The following ZFR variants were observed in gnomAD, a reference collection of about 807,000 sequenced individuals.
The protein encoded by ZFR is zinc finger RNA-binding protein.
Under a neutral mutation model 130.7 loss-of-function variants are expected in ZFR, and 19 were observed. That is an observed-to-expected ratio of 0.15 (90% CI 0.10 to 0.21). The LOEUF (loss-of-function observed/expected upper bound fraction) is 0.21. Ranked by LOEUF, ZFR falls within the 10% of genes least tolerant of loss-of-function variation. ZFR has a pLI of 1.00. For missense variants in ZFR, 872 were observed against 1,321.5 expected (o/e 0.66, Z 5.27); for synonymous variants, 466 against 456.9 (o/e 1.02, Z -0.25).
intron 2 of ZFR, among the ~76,000 whole-genome samples, chr5:32,432,577 C>T (rs182917393): frequency 2.1e-4 from 32 of 152,022 alleles, no homozygotes; most frequent in Admixed American, 2.1e-3. Context: ...TAATCCTCTC[C>T]CCTCAGCCTC....
At chr5:32,424,773 A>G (rs1163737046) in intron 2 of ZFR, among the ~76,000 whole-genome samples, 2 of 152,218 alleles carry the variant, frequency 1.3e-5, no homozygotes, top group Non-Finnish European at 2.9e-5. Flanking sequence ...CACAATAAAT[A>G]CTATTGATAA....
chr5:32,389,349 T>TA (rs951452003), intron 12 of ZFR, among the ~76,000 whole-genome samples: 11 of 152,084 alleles, frequency 7.2e-5, no homozygotes, highest in Admixed American at 6.6e-4. Context: ...TTCTTTCTAT[T>TA]AAAAAAAAAT....
intron 2 of ZFR, among the ~76,000 whole-genome samples, chr5:32,439,788 A>G (rs1287990360): frequency 7.9e-6 from 1 of 127,360 alleles, no homozygotes; most frequent in African/African-American, 3.0e-5. Flanking sequence ...TGGGTGAGAG[A>G]GCGAGACCAT....
At chr5:32,397,496 C>T (rs1431752983) in intron 9 of ZFR, among the ~76,000 whole-genome samples, 158 bp from the exon 10 acceptor site, 1 of 152,096 alleles carries the variant, frequency 6.6e-6, no homozygotes, top group African/African-American at 2.4e-5. Context: ...CTCTGTCGCC[C>T]ATGCTGGAGT....
intron 18 of ZFR, 23 bp from the exon 19 acceptor site, chr5:32,364,068 A>G (rs777997030): frequency 1.2e-6 from 2 of 1,609,320 alleles, no homozygotes; most frequent in Non-Finnish European, 1.7e-6. Flanking sequence ...CCACAGGGAG[A>G]GGAAATTATT....
chr5:32,378,196 A>G (rs1561871145), intron 17 of ZFR, among the ~76,000 whole-genome samples: 1 of 152,100 alleles, frequency 6.6e-6, no homozygotes, highest in Non-Finnish European at 1.5e-5. Context: ...CTTGACAACA[A>G]TATATACAAT....
intron 19 of ZFR, among the ~76,000 whole-genome samples, chr5:32,362,956 A>G (rs552816605): frequency 6.6e-6 from 1 of 152,354 alleles, no homozygotes; most frequent in East Asian, 1.9e-4. Context: ...ACAGACACTT[A>G]AGGCAACTAT....
chr5:32,426,425 T>G (rs1754074603), intron 2 of ZFR, among the ~76,000 whole-genome samples: 1 of 151,286 alleles, frequency 6.6e-6, no homozygotes, highest in African/African-American at 2.4e-5. Context: ...AACTAGGAAT[T>G]GAAGGAAATA....
chr5:32,398,657 G>T (rs1245582614), intron 9 of ZFR, among the ~76,000 whole-genome samples: 4 of 152,100 alleles, frequency 2.6e-5, no homozygotes, highest in Non-Finnish European at 5.9e-5. Context: ...TGTAAACAAA[G>T]AATTCAATAC....
intron 8 of ZFR, among the ~76,000 whole-genome samples, chr5:32,402,076 T>C (rs905805888): frequency 2.6e-5 from 4 of 152,206 alleles, no homozygotes; most frequent in Non-Finnish European, 4.4e-5. Flanking sequence ...GCTGTCCAAC[T>C]CAGGTGGGGG....
chr5:32,400,046 C>T lies in ZFR; in HGVS notation c.1674G>A (p.Gln558=). Residue 558 remains glutamine, a synonymous_variant, in exon 9 of 20, where the codon CAG becomes CAA. Coordinates refer to ENST00000265069, the MANE Select transcript of ZFR (RefSeq NM_016107.5). ...CATGGCCCACTGGCTGCACATCACT[C>T]TGTAAAGCAGCAAGAGATGCAGGTG... ...PVTPASLAAL[Q]SDVQPVGHDY... 6.2e-7 allele frequency: 1 copy of T among 1,612,706 alleles called. No individual in the cohort carries two copies. The highest frequency in any genetic ancestry group is 8.5e-7 in the Non-Finnish European group (1 of 1,179,302).
chr5:32,379,844 A>AT, intron 16 of ZFR: 1 of 379,808 alleles, frequency 2.6e-6, no homozygotes, highest in South Asian at 6.8e-5. Context: ...AAAAAATAAA[A>AT]AAACCCCAAC....
At chr5:32,356,400 G>A (rs1219415580) in intron 19 of ZFR, among the ~76,000 whole-genome samples, 1 of 152,028 alleles carries the variant, frequency 6.6e-6, no homozygotes, top group Non-Finnish European at 1.5e-5. Flanking sequence ...CACTAGGCTG[G>A]TTTCAGTATT....
In ZFR at chr5:32,358,848, A is replaced by G. The variant is rs149210428; in HGVS notation, c.3046-2909T>C. On this transcript the variant is annotated intron_variant, in intron 19 of 19. Transcript: ENST00000265069. ...TCCAAGATAAGGGAAGGGAAGGCAA[A>G]CTTTGGCACTGAATCATATCATCTT... 1.8e-3 allele frequency among the ~76,000 whole-genome samples: 277 copies of G among 152,270 alleles called. 3 individuals carry two copies. Among genetic ancestry groups the G allele is most frequent in the African/African-American group, 6.5e-3 (272 of 41,560 alleles).
In ZFR at chr5:32,355,645, T is replaced by A. The variant is rs1170603564; in HGVS notation, c.*115A>T. 1 of 1,021,588 alleles carries A rather than the reference T, an allele frequency of 9.8e-7. No homozygotes were observed. Among genetic ancestry groups the A allele is most frequent in the Non-Finnish European group, 1.4e-6 (1 of 732,778 alleles). The allele number at this position is 1,021,588 out of a possible 1,614,324, so 63.3% of individuals were successfully genotyped here. A position where few individuals can be genotyped will look rare whatever the true frequency, so the allele number is the denominator to read the frequency against. On this transcript the variant is annotated 3_prime_UTR_variant, in exon 20 of 20. Coordinates refer to ENST00000265069, the MANE Select transcript of ZFR (RefSeq NM_016107.5). ...TAATATCATAGAAAAACTTGGTTCTTCCATGAAATCCTTTAAATTCTTGAT... is the reference window on the plus strand; with the variant it reads ...TAATATCATAGAAAAACTTGGTTCTACCATGAAATCCTTTAAATTCTTGAT...
chr5:32,408,875 A>G (rs912645230), intron 5 of ZFR, among the ~76,000 whole-genome samples: 11 of 152,210 alleles, frequency 7.2e-5, no homozygotes, highest in Non-Finnish European at 1.5e-4. Flanking sequence ...ATACTATAGT[A>G]GCCTAACATA....
chr5:32,407,375 T>C (rs1325921807), intron 5 of ZFR, among the ~76,000 whole-genome samples: 2 of 150,412 alleles, frequency 1.3e-5, no homozygotes, highest in Non-Finnish European at 2.9e-5. Context: ...GTGAACAAAA[T>C]TTAGGAAGTG....
At chr5:32,417,393 C>G (rs1753851378) in intron 4 of ZFR, among the ~76,000 whole-genome samples, 1 of 152,162 alleles carries the variant, frequency 6.6e-6, no homozygotes, top group Admixed American at 6.5e-5. Context: ...GTTATCATCA[C>G]AGGTTCTTTT....
intron 2 of ZFR, among the ~76,000 whole-genome samples, chr5:32,443,093 C>T (rs1267322981): frequency 4.6e-5 from 7 of 151,940 alleles, no homozygotes; most frequent in Non-Finnish European, 1.0e-4. Context: ...CTCGGGTCTT[C>T]TGGCTCCCAA....
Sources: allele counts gnomAD v4.1 joint callset (sites outside exome capture counted in the v4.1 genomes callset), GRCh38; gene constraint gnomAD v4.1.1; transcripts MANE v1.5; gene names NCBI Gene and HGNC (gene_info 2026-07-23, HGNC 2026-07-21).